The following LIMS1 variants were observed in gnomAD, a reference collection of about 807,000 sequenced individuals.
The protein encoded by LIMS1 is LIM zinc finger domain containing 1, also known as LIM and senescent cell antigen-like-containing domain protein 1.
LIMS1 carries 18 observed loss-of-function variants against 44.1 expected under a neutral mutation model. The ratio of observed to expected loss-of-function variants is 0.41; its 90% confidence interval spans 0.28 to 0.61. The LOEUF (loss-of-function observed/expected upper bound fraction) is 0.61, where lower values mean the gene tolerates loss of function less well. LIMS1 is among the 20% of genes least tolerant of loss of function. The pLI is 0.32. For synonymous variants in LIMS1, 93 were observed against 149.1 expected, an observed-to-expected ratio of 0.62 and a Z score of 2.74; for missense variants, 201 against 422.0, an observed-to-expected ratio of 0.48 and a Z score of 4.59.
intron 1 of LIMS1, among the ~76,000 whole-genome samples, chr2:108,602,243 A>G (rs923473093): frequency 1.3e-5 from 2 of 152,238 alleles, no homozygotes; most frequent in African/African-American, 4.8e-5. Context: ...ATCATCTGCA[A>G]ACAAGGATAA....
intron 1 of LIMS1, among the ~76,000 whole-genome samples, chr2:108,626,210 G>GT (rs1688566084): frequency 2.0e-5 from 3 of 152,128 alleles, no homozygotes. Flanking sequence ...GAAAAATTAT[G>GT]TTTGTATTTT....
chr2:108,569,764 C>CTT lies in LIMS1; in HGVS notation c.32+35188_32+35189dup, dbSNP rs10596766. Among the ~76,000 whole-genome samples the CTT allele has an allele frequency of 1.8e-4, 20 of 113,126 alleles. 1 individual carries two copies. The highest frequency in any genetic ancestry group is 5.8e-4 in the African/African-American group (17 of 29,154). 74.2% of individuals were successfully genotyped at this position (113,126 alleles called of 152,430 possible). ...TACAAACACTCACCGCCATATCTGG[C>CTT]TTTTTTTTTTTTTTTTTTTAGTGAT... On this transcript the variant is annotated intron_variant, in intron 1 of 9. Transcript: ENST00000544547.
At chr2:108,615,140 T>A (rs1429006786) in intron 1 of LIMS1, among the ~76,000 whole-genome samples, 20 of 152,168 alleles carry the variant, frequency 1.3e-4, no homozygotes, top group Non-Finnish European at 4.4e-5. Context: ...ATCTAAAAAG[T>A]GATTTCAATA....
rs189107913 is a variant in LIMS1, at chr2:108,682,478, C to A, written c.900-1407C>A. The stretch of plus-strand genomic sequence containing the variant: ...TCGTGCCACTGCATTCCACCCTGGG[C>A]GACAGAGTGAGACTCTGTCTCAAAA... On this transcript the variant is annotated intron_variant, in intron 9 of 9. Transcript: ENST00000544547. Among the ~76,000 whole-genome samples the A allele has an allele frequency of 3.4e-3, 512 of 151,996 alleles. 2 individuals are homozygous for A. Among genetic ancestry groups the A allele is most frequent in the African/African-American group, 0.011 (469 of 41,446 alleles).
At position 108,684,648 on chromosome 2, in the gene LIMS1, T is replaced by C. The variant is rs73952510; in HGVS notation, c.*649T>C. The stretch of plus-strand genomic sequence containing the variant: ...TTCAAATGATTACTTAACGCAGTAG[T>C]AATAGCTAGCTGTAGGATGTCCTTT... On this transcript the variant is annotated 3_prime_UTR_variant, in exon 10 of 10. Transcript: ENST00000544547. 7.1e-3 allele frequency: 851 copies of C among 119,420 alleles called. 14 individuals carry two copies. Among genetic ancestry groups the C allele is most frequent in the African/African-American group, 0.022 (818 of 37,918 alleles). 7.4% of individuals were successfully genotyped at this position (119,420 alleles called of 1,614,324 possible). A position where few individuals can be genotyped will look rare whatever the true frequency, so the allele number is the denominator to read the frequency against.
intron 1 of LIMS1, among the ~76,000 whole-genome samples, chr2:108,650,098 T>C (rs1449024053): frequency 6.6e-6 from 1 of 152,240 alleles, no homozygotes; most frequent in Non-Finnish European, 1.5e-5. Flanking sequence ...ACTTTTTTGG[T>C]ATTTTCAAAC....
intron 1 of LIMS1, among the ~76,000 whole-genome samples, chr2:108,649,305 C>T (rs1201664046): frequency 1.3e-5 from 2 of 152,142 alleles, no homozygotes; most frequent in African/African-American, 2.4e-5. Context: ...GAATAGTGAT[C>T]ATTAAAAAGT....
chr2:108,615,604 G>C (rs927731402), intron 1 of LIMS1, among the ~76,000 whole-genome samples: 2 of 152,122 alleles, frequency 1.3e-5, no homozygotes, highest in African/African-American at 4.8e-5. Context: ...GGCTGTTCAG[G>C]GTTCTCCTCC....
At chr2:108,627,326 G>A (rs1688633471) in intron 1 of LIMS1, among the ~76,000 whole-genome samples, 2 of 150,992 alleles carry the variant, frequency 1.3e-5, no homozygotes, top group South Asian at 4.2e-4. Context: ...AAATAGCAGT[G>A]TTGATGCTTA....
intron 1 of LIMS1, among the ~76,000 whole-genome samples, chr2:108,547,330 G>A (rs1212076118): frequency 2.0e-5 from 3 of 152,158 alleles, no homozygotes; most frequent in Non-Finnish European, 4.4e-5. Flanking sequence ...GGTTGAGGGT[G>A]TCTTTCTCTT....
At chr2:108,676,494 G>A (rs1476908994) in intron 6 of LIMS1, 112 bp from the exon 7 acceptor site, 17 of 1,296,920 alleles carry the variant, frequency 1.3e-5, no homozygotes, top group Non-Finnish European at 1.5e-5. Flanking sequence ...CAAATGAAAT[G>A]ACTGTCTCAA....
At chr2:108,558,562 G>A (rs777202905) in intron 1 of LIMS1, among the ~76,000 whole-genome samples, 5 of 151,902 alleles carry the variant, frequency 3.3e-5, no homozygotes, top group Non-Finnish European at 7.4e-5. Context: ...GGCATTTCTC[G>A]TCTTTTGTTA....
intron 1 of LIMS1, among the ~76,000 whole-genome samples, chr2:108,535,295 T>A (rs1034475882): frequency 6.6e-6 from 1 of 152,230 alleles, no homozygotes; most frequent in African/African-American, 2.4e-5. Flanking sequence ...TTTCAGATAA[T>A]TATGGGTATT....
intron 1 of LIMS1, among the ~76,000 whole-genome samples, chr2:108,553,893 C>T (rs745425793): frequency 7.2e-5 from 11 of 152,158 alleles, no homozygotes; most frequent in Non-Finnish European, 1.0e-4. Context: ...TTCTACCATA[C>T]GGAGAACTTC....
chr2:108,551,100 C>G (rs1365274650), intron 1 of LIMS1, among the ~76,000 whole-genome samples: 1 of 152,056 alleles, frequency 6.6e-6, no homozygotes, highest in Non-Finnish European at 1.5e-5. Flanking sequence ...GCACTCCAGC[C>G]TGGGCGACAG....
intron 1 of LIMS1, among the ~76,000 whole-genome samples, chr2:108,587,502 G>A (rs1217205924): frequency 6.6e-6 from 1 of 151,842 alleles, no homozygotes; most frequent in Non-Finnish European, 1.5e-5. Context: ...GCACCTGGCC[G>A]TTTTCTTGTT....
At chr2:108,592,363 A>G (rs558145719) in intron 1 of LIMS1, among the ~76,000 whole-genome samples, 5 of 152,290 alleles carry the variant, frequency 3.3e-5, no homozygotes, top group African/African-American at 1.2e-4. Context: ...CCACAAATGT[A>G]TGATAATATT....
chr2:108,642,334 T>TG (rs1689725391), intron 1 of LIMS1, among the ~76,000 whole-genome samples: 2 of 37,682 alleles, frequency 5.3e-5, no homozygotes, highest in Non-Finnish European at 1.2e-4. Flanking sequence ...AAGCTACTAG[T>TG]GTTTTTTGTT....
chr2:108,592,266 A>C (rs1686443872), intron 1 of LIMS1, among the ~76,000 whole-genome samples: 1 of 152,150 alleles, frequency 6.6e-6, no homozygotes. Context: ...CAGAACAGTT[A>C]CAGGATGAAA....
Sources: gnomAD v4.1 joint callset for allele counts (sites outside exome capture counted in the v4.1 genomes callset) on GRCh38, gnomAD v4.1.1 for gene constraint, MANE v1.5 for transcripts, NCBI Gene and HGNC (gene_info 2026-07-23, HGNC 2026-07-21) for gene names.